AKAP6: variants seen among roughly 807,000 people sequenced by gnomAD.
AKAP6 encodes A-kinase anchor protein 6.
A neutral mutation model predicts 188.5 loss-of-function variants in AKAP6; 58 were observed. That is an observed-to-expected ratio of 0.31 (90% confidence interval 0.25 to 0.38). The LOEUF is 0.38. AKAP6 is among the 10% of genes least tolerant of loss of function. The pLI, the probability that AKAP6 is intolerant of heterozygous loss-of-function variation, is 1.00. For synonymous variants in AKAP6, 989 were observed against 998.6 expected (o/e 0.99, Z 0.18); for missense variants, 2,710 against 2,740.0 (o/e 0.99, Z 0.24).
At chr14:32,554,304 G>T (rs1883602058) in intron 4 of AKAP6, among the ~76,000 whole-genome samples, 1 of 152,206 alleles carries the variant, frequency 6.6e-6, no homozygotes, top group Non-Finnish European at 1.5e-5. Flanking sequence ...CAAATTTGCT[G>T]ACCCCTGCTC....
intron 11 of AKAP6, among the ~76,000 whole-genome samples, chr14:32,758,688 G>A (rs928180143): frequency 1.3e-5 from 2 of 151,994 alleles, no homozygotes; most frequent in Admixed American, 6.5e-5. Context: ...AGCCGAGATC[G>A]CACCATTGCA....
chr14:32,360,857 C>T (rs1887636315), intron 1 of AKAP6, among the ~76,000 whole-genome samples: 3 of 151,592 alleles, frequency 2.0e-5, no homozygotes, highest in Non-Finnish European at 4.4e-5. Context: ...GTTCCTCCCA[C>T]CTCAGCCTCC....
chr14:32,428,835 A>G (rs1413837561), intron 1 of AKAP6, among the ~76,000 whole-genome samples: 2 of 152,220 alleles, frequency 1.3e-5, no homozygotes, highest in Non-Finnish European at 2.9e-5. Flanking sequence ...GCATGTTTCT[A>G]TAGGATGATA....
chr14:32,496,047 A>T (rs371019568), intron 2 of AKAP6, among the ~76,000 whole-genome samples: 1 of 152,246 alleles, frequency 6.6e-6, no homozygotes, highest in East Asian at 1.9e-4. Context: ...AATGCTGTAT[A>T]ATAAGTATGT....
intron 2 of AKAP6, among the ~76,000 whole-genome samples, chr14:32,500,397 T>C (rs1473172564): frequency 2.0e-5 from 3 of 152,182 alleles, no homozygotes; most frequent in Admixed American, 2.0e-4. Context: ...GTGATTCTTA[T>C]TACAAGGACA....
chr14:32,614,921 A>G (rs1886497212), intron 7 of AKAP6, among the ~76,000 whole-genome samples: 1 of 152,000 alleles, frequency 6.6e-6, no homozygotes, highest in South Asian at 2.1e-4. Flanking sequence ...CTGTTATCCC[A>G]GCACTTTGGG....
chr14:32,764,847 T>C (rs1448768987), intron 11 of AKAP6, among the ~76,000 whole-genome samples: 1 of 151,426 alleles, frequency 6.6e-6, no homozygotes, highest in Non-Finnish European at 1.5e-5. Context: ...TTAGTGAAAA[T>C]AACCAAGAAA....
chr14:32,329,692 A>G (rs1160459309), intron 1 of AKAP6, among the ~76,000 whole-genome samples: 1 of 152,024 alleles, frequency 6.6e-6, no homozygotes, highest in Non-Finnish European at 1.5e-5. Flanking sequence ...CAATTGCAAA[A>G]CCCCAGATAA....
intron 12 of AKAP6, among the ~76,000 whole-genome samples, chr14:32,785,561 G>C (rs1024238938): frequency 2.6e-5 from 4 of 152,138 alleles, no homozygotes; most frequent in Admixed American, 6.5e-5. Flanking sequence ...TGAATCCAAA[G>C]ACGAAAATGA....
chr14:32,765,267 G>A (rs115783540), intron 11 of AKAP6, among the ~76,000 whole-genome samples: 6,608 of 152,172 alleles, frequency 0.043, 187 homozygotes, highest in African/African-American at 0.079. Flanking sequence ...TGAAGAGAAT[G>A]TAACATTATT....
At chr14:32,340,389 G>C (rs1434461480) in intron 1 of AKAP6, among the ~76,000 whole-genome samples, 1 of 152,126 alleles carries the variant, frequency 6.6e-6, no homozygotes, top group Non-Finnish European at 1.5e-5. Flanking sequence ...ATTTCAGAGA[G>C]CACTGGACTG....
intron 12 of AKAP6, among the ~76,000 whole-genome samples, chr14:32,813,068 A>T (rs2034279355): frequency 6.6e-6 from 1 of 152,158 alleles, no homozygotes; most frequent in Non-Finnish European, 1.5e-5. Context: ...TTCACTTCAG[A>T]TGCCAATCAC....
Position 32,668,591 on chromosome 14 carries a change from G to A in AKAP6, c.2731-9720G>A, listed in dbSNP as rs142746326. ...GTTTCTAATAATTTGCAAACAACAG[G>A]TCAATAGAAATAAAAATGAATTTTT... On this transcript the variant is annotated intron_variant, in intron 7 of 13. Transcript: ENST00000280979. Among the ~76,000 whole-genome samples, 332 of 152,082 alleles carry A rather than the reference G, an allele frequency of 2.2e-3. 3 individuals are homozygous for A. The highest frequency in any genetic ancestry group is 7.5e-3 in the African/African-American group (311 of 41,512).
chr14:32,412,044 T>C (rs900907004), intron 1 of AKAP6, among the ~76,000 whole-genome samples: 3 of 152,184 alleles, frequency 2.0e-5, no homozygotes, highest in Admixed American at 6.5e-5. Flanking sequence ...CCAGATTGAA[T>C]GCTACCTCAA....
chr14:32,821,738 C>A lies in AKAP6; in HGVS notation c.3925C>A (p.Pro1309Thr), dbSNP rs761925512. 1.7e-5 allele frequency: 28 copies of A among 1,613,642 alleles called. No homozygotes were observed. The South Asian group carries it at 2.9e-4, about 16-fold the overall frequency. Residue 1309 changes from proline (P) to threonine (T), a missense_variant, in exon 13 of 14, where the codon CCA becomes ACA. By Grantham distance (38) the Pro-to-Thr change is conservative. Around this residue, in one of 2 missense-constraint regions of AKAP6, gnomAD observed 2,473 missense variants for 2,426.1 expected, o/e 1.02. Transcript: ENST00000280979. ...CCACATGCCATTTCTGAAAAACAAT[C>A]CAAAGGTCACTGGCATGACACAGCC... ...DNHMPFLKNN[P>T]KVTGMTQPNV...
chr14:32,794,606 CAA>C (rs1183337682), intron 12 of AKAP6, among the ~76,000 whole-genome samples: 1 of 152,036 alleles, frequency 6.6e-6, no homozygotes, highest in African/African-American at 2.4e-5. Flanking sequence ...CTAATGAGAA[CAA>C]AGTGACAACT....
At chr14:32,584,333 C>T (rs1388113511) in intron 5 of AKAP6, among the ~76,000 whole-genome samples, 1 of 152,132 alleles carries the variant, frequency 6.6e-6, no homozygotes, top group African/African-American at 2.4e-5. Flanking sequence ...GATTCACGCC[C>T]CAGGTGGGAC....
intron 7 of AKAP6, among the ~76,000 whole-genome samples, chr14:32,630,328 T>C (rs952191296): frequency 2.0e-5 from 3 of 152,078 alleles, no homozygotes; most frequent in African/African-American, 7.2e-5. Context: ...CATTAGAGAA[T>C]GCAAGATTTT....
At chr14:32,636,480 T>TG (rs1396089436) in intron 7 of AKAP6, among the ~76,000 whole-genome samples, 11 of 151,992 alleles carry the variant, frequency 7.2e-5, no homozygotes, top group African/African-American at 2.7e-4. Context: ...GTGCTGAGAG[T>TG]GGCATTCGTG....
Sources: allele counts gnomAD v4.1 joint callset (sites outside exome capture counted in the v4.1 genomes callset), GRCh38; gene constraint gnomAD v4.1.1; regional missense constraint gnomAD v4.1.1; transcripts MANE v1.5; gene names NCBI Gene and HGNC (gene_info 2026-07-23, HGNC 2026-07-21).